TEAD1: variants seen among roughly 807,000 people sequenced by gnomAD.
The protein encoded by TEAD1 is transcriptional enhancer factor TEF-1.
Under a neutral mutation model 54.9 loss-of-function variants are expected in TEAD1, and 9 were observed. The observed-to-expected ratio is 0.16, with a 90% CI of 0.10 to 0.29. The LOEUF is 0.29. TEAD1 is among the 10% of genes least tolerant of loss of function. The probability of loss-of-function intolerance (pLI) is 1.00; values close to 1 mark genes in which losing one functional copy is unlikely to be tolerated. For synonymous variants in TEAD1, 200 were observed against 187.8 expected, an observed-to-expected ratio of 1.07 and a Z score of -0.53; for missense variants, 387 against 535.9, an observed-to-expected ratio of 0.72 and a Z score of 2.74.
intron 5 of TEAD1, among the ~76,000 whole-genome samples, chr11:12,871,291 C>T (rs755936204): frequency 6.6e-6 from 1 of 152,236 alleles, no homozygotes; most frequent in African/African-American, 2.4e-5. Flanking sequence ...CTTAGTTTAG[C>T]CCCTATTGGC....
Position 12,901,952 on chromosome 11 carries a change from C to A in TEAD1, c.712C>A (p.Leu238Ile). The A allele has an allele frequency of 1.9e-6, 3 of 1,614,188 alleles. No individual in the cohort carries two copies. The highest frequency in any genetic ancestry group is 2.5e-6 in the Non-Finnish European group (3 of 1,180,036). The stretch of plus-strand genomic sequence containing the variant: ...TGGTTTCTTACAGTACAACAAACAC[C>A]TCTTCGTGCACATTGGGCATGCCAA... Residue 238 changes from leucine (L) to isoleucine (I), a missense_variant, in exon 10 of 13, where the codon CTC (leucine) becomes ATC (isoleucine). Leu to Ile is a conservative substitution (Grantham distance 5). This residue lies in a region of TEAD1 where 180 missense variants were observed against 180.6 expected (regional missense o/e 1.00). Coordinates refer to ENST00000527636, the MANE Select transcript of TEAD1 (RefSeq NM_021961.6).
In TEAD1 at chr11:12,764,304, T is replaced by C; in HGVS notation, c.72T>C (p.Asp24=). Residue 24 remains aspartate (D), a synonymous_variant, in exon 3 of 13, where the codon GAT becomes GAC. Coordinates refer to ENST00000527636, the MANE Select transcript of TEAD1 (RefSeq NM_021961.6). ...TGGAAAGGATGAGTGACTCTGCAGATAAGCCAATTGACAATGATGCAGAAG... is the reference window on the plus strand; with the variant it reads ...TGGAAAGGATGAGTGACTCTGCAGACAAGCCAATTGACAATGATGCAGAAG... 3 of 1,614,204 alleles carry C rather than the reference T, an allele frequency of 1.9e-6. No individual in the cohort carries two copies. The highest frequency in any genetic ancestry group is 2.5e-6 in the Non-Finnish European group (3 of 1,180,018).
rs1949179901 is a variant in TEAD1 at position 12,943,573 on chromosome 11, T to A, written c.*6351T>A. On this transcript the variant is annotated 3_prime_UTR_variant, in exon 13 of 13. Coordinates refer to ENST00000527636, the MANE Select transcript of TEAD1 (RefSeq NM_021961.6). ...TGCTACACTACATCGCTTTAGTATT[T>A]GAGATGGCATTTATGTTTCCTCTCG... 1 of 152,322 alleles carries A rather than the reference T, an allele frequency of 6.6e-6. No individual in the cohort carries two copies. The highest frequency in any genetic ancestry group is 1.5e-5 in the Non-Finnish European group (1 of 68,050). The allele number at this position is 152,322 out of a possible 1,614,324, so 9.4% of individuals were successfully genotyped here. A position where few individuals can be genotyped will look rare whatever the true frequency, so the allele number is the denominator to read the frequency against.
At chr11:12,890,012 G>A (rs556398456) in intron 9 of TEAD1, among the ~76,000 whole-genome samples, 12 of 152,146 alleles carry the variant, frequency 7.9e-5, no homozygotes, top group Non-Finnish European at 1.3e-4. Flanking sequence ...GTGAGCCACC[G>A]TGCCCAGCCA....
chr11:12,827,843 A>G (rs976920206), intron 3 of TEAD1, among the ~76,000 whole-genome samples: 41 of 152,200 alleles, frequency 2.7e-4, no homozygotes, highest in Non-Finnish European at 5.4e-4. Context: ...CTGGAAAGAA[A>G]CGTTTAGGGA....
intron 3 of TEAD1, among the ~76,000 whole-genome samples, chr11:12,829,764 C>T (rs944217508): frequency 1.3e-5 from 2 of 152,172 alleles, no homozygotes; most frequent in African/African-American, 2.4e-5. Flanking sequence ...AGCAATTGAG[C>T]AGTTGCTGTA....
At chr11:12,837,651 C>G (rs1039557498) in intron 3 of TEAD1, among the ~76,000 whole-genome samples, 1 of 148,344 alleles carries the variant, frequency 6.7e-6, no homozygotes, top group Admixed American at 6.8e-5. Context: ...TCTGGTCTCT[C>G]TTTCTCTCCT....
intron 2 of TEAD1, among the ~76,000 whole-genome samples, chr11:12,752,428 A>T (rs961080347): frequency 1.3e-5 from 2 of 152,020 alleles, no homozygotes; most frequent in African/African-American, 4.8e-5. Context: ...TCCAGTCAGT[A>T]CTCCCAACCC....
chr11:12,837,325 T>A (rs59188557), intron 3 of TEAD1, among the ~76,000 whole-genome samples: 3,457 of 152,250 alleles, frequency 0.023, 142 homozygotes, highest in African/African-American at 0.077. Context: ...TTCTGTTATT[T>A]TTTCATTGAG....
At chr11:12,738,525 G>C (rs76049635) in intron 2 of TEAD1, among the ~76,000 whole-genome samples, 2,432 of 152,178 alleles carry the variant, frequency 0.016, 70 homozygotes, top group African/African-American at 0.056. Context: ...TCTTAGCCCC[G>C]GGATACCAGA....
rs369529990 is a variant in TEAD1, at chr11:12,903,081, T to C, written c.873+968T>C. Among the ~76,000 whole-genome samples the C allele has an allele frequency of 2.5e-3, 381 of 152,294 alleles. 3 individuals carry two copies. The highest frequency in any genetic ancestry group is 9.0e-3 in the African/African-American group (374 of 41,568). On this transcript the variant is annotated intron_variant, in intron 10 of 12. Coordinates refer to ENST00000527636, the MANE Select transcript of TEAD1 (RefSeq NM_021961.6). The stretch of plus-strand genomic sequence containing the variant: ...TTCATATAGTGGCTTCCTTTTTTAT[T>C]GAATGCTTGCTTTGTGCTAGGAGCT...
At chr11:12,711,208 C>G (rs1228157498) in intron 2 of TEAD1, among the ~76,000 whole-genome samples, 1 of 151,822 alleles carries the variant, frequency 6.6e-6, no homozygotes, top group Non-Finnish European at 1.5e-5. Context: ...TGCAGCGGCT[C>G]GGGAAGAGGT....
At chr11:12,776,231 G>T (rs1017043803) in intron 3 of TEAD1, among the ~76,000 whole-genome samples, 1 of 152,152 alleles carries the variant, frequency 6.6e-6, no homozygotes, top group Non-Finnish European at 1.5e-5. Context: ...GCTCAGAGAC[G>T]CATAATTCCA....
At chr11:12,785,853 C>T (rs1945666319) in intron 3 of TEAD1, among the ~76,000 whole-genome samples, 1 of 152,222 alleles carries the variant, frequency 6.6e-6, no homozygotes, top group African/African-American at 2.4e-5. Flanking sequence ...CTTTGATTTT[C>T]AGTAGCTAGG....
chr11:12,895,348 A>G (rs1948292551), intron 9 of TEAD1, among the ~76,000 whole-genome samples: 1 of 152,232 alleles, frequency 6.6e-6, no homozygotes, highest in Non-Finnish European at 1.5e-5. Context: ...CTCCAAGTCA[A>G]AATAGAAATC....
chr11:12,740,117 G>C (rs1944622126), intron 2 of TEAD1, among the ~76,000 whole-genome samples: 1 of 152,180 alleles, frequency 6.6e-6, no homozygotes, highest in Admixed American at 6.5e-5. Context: ...CTTATGTGGT[G>C]GTTATCAATT....
chr11:12,916,752 G>A (rs750356236), intron 10 of TEAD1, among the ~76,000 whole-genome samples: 7 of 152,162 alleles, frequency 4.6e-5, no homozygotes, highest in African/African-American at 7.2e-5. Flanking sequence ...GACCAGTGTC[G>A]GACTGGATGG....
At chr11:12,814,003 C>T (rs1013155877) in intron 3 of TEAD1, among the ~76,000 whole-genome samples, 13 of 152,284 alleles carry the variant, frequency 8.5e-5, no homozygotes, top group Admixed American at 3.3e-4. Flanking sequence ...ATGTTTCTTT[C>T]CCCATTGGCA....
chr11:12,708,617 T>C (rs1176862881), intron 2 of TEAD1, among the ~76,000 whole-genome samples: 1 of 152,110 alleles, frequency 6.6e-6, no homozygotes, highest in African/African-American at 2.4e-5. Context: ...CTTCACAGAA[T>C]TTATCCTAAG....
Sources: gnomAD v4.1 joint callset for allele counts (sites outside exome capture counted in the v4.1 genomes callset) on GRCh38, gnomAD v4.1.1 for gene constraint, gnomAD v4.1.1 regional missense constraint, MANE v1.5 for transcripts, NCBI Gene and HGNC (gene_info 2026-07-23, HGNC 2026-07-21) for gene names.